TESPA1: variants seen among roughly 807,000 people sequenced by gnomAD.
TESPA1 encodes the protein protein TESPA1.
A neutral mutation model predicts 57.9 loss-of-function variants in TESPA1; 33 were observed. That is an observed-to-expected ratio of 0.57 (90% CI 0.43 to 0.76). TESPA1 has a LOEUF of 0.76. Ranked by LOEUF, TESPA1 falls within the 30% of genes least tolerant of loss-of-function variation. The pLI is 0.00. For missense variants in TESPA1, 618 were observed against 632.9 expected (o/e 0.98, Z 0.25); for synonymous variants, 227 against 228.9 (o/e 0.99, Z 0.07).
intron 3 of TESPA1, among the ~76,000 whole-genome samples, chr12:54,971,782 G>A (rs1951844727): frequency 6.6e-6 from 1 of 151,926 alleles, no homozygotes; most frequent in African/African-American, 2.4e-5. Flanking sequence ...TACTTCTAAA[G>A]TCAATTCTTT....
At chr12:54,963,272 T>TG in intron 8 of TESPA1, 30 bp from the exon 9 acceptor site, 1 of 1,573,870 alleles carries the variant, frequency 6.4e-7, no homozygotes, top group Non-Finnish European at 8.6e-7. Context: ...ATGGTAAGTC[T>TG]GGGGTTCATC....
rs866485562 is a variant in TESPA1, at chr12:54,949,680, T to C, written c.*712A>G. 2.3e-4 allele frequency: 35 copies of C among 152,582 alleles called. No individual in the cohort carries two copies. Among genetic ancestry groups the C allele is most frequent in the African/African-American group, 7.7e-4 (32 of 41,450 alleles). The allele number at this position is 152,582 out of a possible 1,614,324, so 9.5% of individuals were successfully genotyped here. On this transcript the variant is annotated 3_prime_UTR_variant, in exon 11 of 11. Coordinates refer to ENST00000449076, the MANE Select transcript of TESPA1 (RefSeq NM_001136030.3). ...TTTCTGCCAACAGAAATAGCATTTT[T>C]TCCCCCCACAATGGCTAGGAGAAGA...
In TESPA1 at chr12:54,962,689, G is replaced by A. The variant is rs776608296; in HGVS notation, c.1209C>T (p.Ser403=). The A allele has an allele frequency of 1.2e-6, 2 of 1,613,818 alleles. No homozygotes were observed. The highest frequency in any genetic ancestry group is 1.7e-6 in the Non-Finnish European group (2 of 1,179,898). Residue 403 remains serine (S), a synonymous_variant, in exon 9 of 11, where the codon AGC becomes AGT. Coordinates refer to ENST00000449076, the MANE Select transcript of TESPA1 (RefSeq NM_001136030.3). ...HSLPIEDPQW[S]TDPAQIRREL... ...CTCTCCTTATCTGAGCTGGGTCTGTGCTCCACTGTGGATCTTCTATGGGCA... is the reference window on the plus strand; with the variant it reads ...CTCTCCTTATCTGAGCTGGGTCTGTACTCCACTGTGGATCTTCTATGGGCA...
chr12:54,979,488 C>G (rs543366857), intron 1 of TESPA1, among the ~76,000 whole-genome samples: 317 of 152,306 alleles, frequency 2.1e-3, no homozygotes, highest in Non-Finnish European at 3.5e-3. Context: ...TTTGTTCTTT[C>G]CTCTTTTCTA....
At chr12:54,966,332 C>T in intron 6 of TESPA1, 56 bp downstream of exon 6, 1 of 1,611,492 alleles carries the variant, frequency 6.2e-7, no homozygotes, top group African/African-American at 1.3e-5. Context: ...TGACCTACCC[C>T]AATTCACTGA....
intron 4 of TESPA1, 95 bp downstream of exon 4, chr12:54,967,748 T>A: frequency 7.0e-7 from 1 of 1,428,150 alleles, no homozygotes; most frequent in South Asian, 1.2e-5. Context: ...TGCATGCCTA[T>A]GCATGTATAT....
At position 54,974,494 on chromosome 12, in the gene TESPA1, G is replaced by T. The variant is rs1179756295; in HGVS notation, c.69C>A (p.Asn23Lys). Residue 23 changes from asparagine to lysine, a missense_variant, in exon 2 of 11, where the codon AAC (asparagine) becomes AAA (lysine). Physicochemically the swap from Asn to Lys is moderately conservative, Grantham distance 94. Coordinates refer to ENST00000449076, the MANE Select transcript of TESPA1 (RefSeq NM_001136030.3). ...KRRAWLRQSRNWQTQVLEEEA... is the reference protein window; with the variant it reads ...KRRAWLRQSRKWQTQVLEEEA... Reference sequence around the variant, plus strand: ...CCTCTTCTAGGACCTGGGTCTGCCAGTTACGGCTCTGACGGAGCCAGGCCC... The same window carrying T: ...CCTCTTCTAGGACCTGGGTCTGCCATTTACGGCTCTGACGGAGCCAGGCCC... 3.7e-6 allele frequency: 6 copies of T among 1,603,568 alleles called. No homozygotes were observed. The East Asian group carries it at 1.3e-4, about 36-fold the overall frequency.
At chr12:54,954,712 T>C (rs1455147744) in intron 10 of TESPA1, among the ~76,000 whole-genome samples, 1 of 149,332 alleles carries the variant, frequency 6.7e-6, no homozygotes, top group Non-Finnish European at 1.5e-5. Flanking sequence ...ATAAGTCTTA[T>C]ATAGAGAGAT....
At position 54,962,448 on chromosome 12, in the gene TESPA1, T is replaced by C; in HGVS notation, c.1450A>G (p.Thr484Ala). The change falls in exon 9 of 11, where the codon ACT (threonine) becomes GCT (alanine). Residue 484 changes from threonine (T) to alanine (A), a missense_variant. This residue lies in a region of TESPA1 where 409 missense variants were observed against 420.1 expected (regional missense o/e 0.97). Transcript: ENST00000449076. ...RRSLSQQPQD[T>A]FDLEEVQSNS... Reference sequence around the variant, plus strand: ...CCACTTACCTCCTCCAAGTCAAAAGTGTCCTGTGGCTGCTGGCTTAAAGAC... The same window carrying C: ...CCACTTACCTCCTCCAAGTCAAAAGCGTCCTGTGGCTGCTGGCTTAAAGAC... The C allele has an allele frequency of 1.2e-6, 2 of 1,611,276 alleles. No homozygotes were observed. Among genetic ancestry groups the C allele is most frequent in the South Asian group, 1.1e-5 (1 of 90,996 alleles).
In TESPA1 at chr12:54,949,379, GTTTTT is replaced by G. The variant is rs10580548; in HGVS notation, c.*1008_*1012del. ...AATTCCCTCAAGTCCCTCTCTTCCT[GTTTTT>G]TTTTTTTTTTTCTTTTGTCTCACAA... On this transcript the variant is annotated 3_prime_UTR_variant, in exon 11 of 11. Transcript: ENST00000449076. 3.9e-3 allele frequency: 554 copies of G among 141,660 alleles called. 3 individuals are homozygous for G. The highest frequency in any genetic ancestry group is 0.011 in the Middle Eastern group (3 of 272). 8.8% of individuals were successfully genotyped at this position (141,660 alleles called of 1,614,324 possible). A position where few individuals can be genotyped will look rare whatever the true frequency, so the allele number is the denominator to read the frequency against.
chr12:54,962,388 A>C lies in TESPA1; in HGVS notation c.1467+43T>G, dbSNP rs367797558. The C allele has an allele frequency of 1.1e-3, 1,671 of 1,582,784 alleles. 31 individuals are homozygous for C. The South Asian group carries it at 0.018, about 17-fold the overall frequency. ...CTTCATCTTCTGGGAAAGAATCTAC[A>C]GCCTTTCTCTGCCAGTCTCTCCCTC... On this transcript the variant is annotated intron_variant, in intron 9 of 10. Coordinates refer to ENST00000449076, the MANE Select transcript of TESPA1 (RefSeq NM_001136030.3).
In TESPA1 at chr12:54,966,116, A is replaced by G. The variant is rs1194934981; in HGVS notation, c.383T>C (p.Leu128Pro). The G allele has an allele frequency of 4.4e-6, 7 of 1,575,332 alleles. No homozygotes were observed. In the East Asian group the frequency reaches 1.6e-4, roughly 37 times the overall value. Reference sequence around the variant, plus strand: ...GGAAGCCAAACTACAGCCAAGATCAAGTAGCTGGCAAGGCCTGGCTGTCTC... The same window carrying G: ...GGAAGCCAAACTACAGCCAAGATCAGGTAGCTGGCAAGGCCTGGCTGTCTC... Reference protein sequence around the residue: ...FLETARPCQLLDLGCSLASSS... With the variant: ...FLETARPCQLPDLGCSLASSS... The change falls in exon 7 of 11, where the codon CTT (leucine) becomes CCT (proline). Residue 128 changes from leucine to proline, a missense_variant. Physicochemically the swap from Leu to Pro is moderately conservative, Grantham distance 98. Coordinates refer to ENST00000449076, the MANE Select transcript of TESPA1 (RefSeq NM_001136030.3).
intron 3 of TESPA1, among the ~76,000 whole-genome samples, chr12:54,972,787 A>G (rs1951916445): frequency 6.6e-6 from 1 of 152,210 alleles, no homozygotes; most frequent in Non-Finnish European, 1.5e-5. Flanking sequence ...ATTAAAGGCT[A>G]TATAAAACTT....
intron 1 of TESPA1, among the ~76,000 whole-genome samples, chr12:54,979,685 G>A (rs1418306653): frequency 1.3e-5 from 2 of 152,190 alleles, no homozygotes; most frequent in African/African-American, 2.4e-5. Context: ...TAAGATGAGG[G>A]AGTTAAGAGC....
intron 10 of TESPA1, among the ~76,000 whole-genome samples, chr12:54,953,444 T>A (rs1950521439): frequency 6.6e-6 from 1 of 152,058 alleles, no homozygotes; most frequent in Non-Finnish European, 1.5e-5. Flanking sequence ...CTTTTTCTAC[T>A]CTCCTCAGCC....
intron 1 of TESPA1, among the ~76,000 whole-genome samples, chr12:54,983,201 G>A (rs1010439726): frequency 3.3e-5 from 5 of 152,044 alleles, no homozygotes; most frequent in African/African-American, 1.2e-4. Flanking sequence ...TGAATCGCAG[G>A]GTTCCATCTT....
At chr12:54,952,403 T>C (rs963732973) in intron 10 of TESPA1, among the ~76,000 whole-genome samples, 1 of 152,242 alleles carries the variant, frequency 6.6e-6, no homozygotes, top group Non-Finnish European at 1.5e-5. Context: ...CATGTTCAGA[T>C]ATGAACTCAT....
chr12:54,963,057 C>T lies in TESPA1; in HGVS notation c.841G>A (p.Asp281Asn), dbSNP rs1458528386. Residue 281 changes from aspartate to asparagine, a missense_variant, in exon 9 of 11, where the codon GAC becomes AAC. Coordinates refer to ENST00000449076, the MANE Select transcript of TESPA1 (RefSeq NM_001136030.3). ...TTGGAGATGGCTTTCCGAAGGCGGT[C>T]TCTGGGTGACTGGGGTTCAGGCTCT... ...SREPEPQSPR[D>N]RLRKAISKMC... 6.2e-7 allele frequency: 1 copy of T among 1,613,888 alleles called. No homozygotes were observed. Among genetic ancestry groups the T allele is most frequent in the East Asian group, 2.2e-5 (1 of 44,874 alleles).
intron 4 of TESPA1, 136 bp from the exon 5 acceptor site, chr12:54,967,372 C>T: frequency 3.2e-6 from 3 of 947,546 alleles, no homozygotes; most frequent in Non-Finnish European, 3.2e-6. Flanking sequence ...ATACTAGATA[C>T]CCACGTTTGT....
Sources: allele counts gnomAD v4.1 joint callset (sites outside exome capture counted in the v4.1 genomes callset), GRCh38; gene constraint gnomAD v4.1.1; regional missense constraint gnomAD v4.1.1; transcripts MANE v1.5; gene names NCBI Gene and HGNC (gene_info 2026-07-23, HGNC 2026-07-21).